Variants in TWF2 observed in about 807,000 individuals in gnomAD.
TWF2 encodes the protein twinfilin-2.
Under a neutral mutation model 45.1 loss-of-function variants are expected in TWF2, and 15 were observed. That is an observed-to-expected ratio of 0.33 (90% CI 0.22 to 0.51). TWF2 has a LOEUF of 0.51. Among genes scored for constraint, TWF2 ranks in the 20% least tolerant of loss-of-function variants. The pLI is 0.97. For missense variants in TWF2, 423 were observed against 469.1 expected, an observed-to-expected ratio of 0.90 and a Z score of 0.91; for synonymous variants, 177 against 195.8, an observed-to-expected ratio of 0.90 and a Z score of 0.80.
At chr3:52,231,305 G>C (rs115585422) in intron 4 of TWF2, 74 bp from the exon 5 acceptor site, 52 of 1,583,644 alleles carry the variant, frequency 3.3e-5, no homozygotes, top group African/African-American at 9.4e-5. Flanking sequence ...CACGGAGCAC[G>C]CCAGCTTGCA....
chr3:52,238,389 AGGTCAG>A (rs1379207038), intron 1 of TWF2, among the ~76,000 whole-genome samples: 1 of 152,134 alleles, frequency 6.6e-6, no homozygotes, highest in Non-Finnish European at 1.5e-5. Context: ...GGAGGAGCAA[AGGTCAG>A]GGCCTTCTCC....
intron 2 of TWF2, 155 bp from the exon 3 acceptor site, chr3:52,232,277 G>A: frequency 2.0e-6 from 2 of 976,362 alleles, no homozygotes; most frequent in Non-Finnish European, 2.9e-6. Flanking sequence ...GTGAGGCTGT[G>A]TGGCTGAATG....
rs778446358 is a variant in TWF2, at chr3:52,232,115, G to T, written c.111C>A (p.Leu37=). The T allele has an allele frequency of 6.3e-7, 1 of 1,585,780 alleles. No homozygotes were observed. ...LIKVVIEDEQ[L]VLGASQEPVG... Reference sequence around the variant, plus strand: ...CTGGCTCCTGCGAGGCACCCAGCACGAGCTGCTCTGGGGGCAGAGGCCGGA... The same window carrying T: ...CTGGCTCCTGCGAGGCACCCAGCACTAGCTGCTCTGGGGGCAGAGGCCGGA... The change falls in exon 3 of 9, where the codon CTC becomes CTA. Residue 37 remains leucine, a synonymous_variant. Coordinates refer to ENST00000305533, the MANE Select transcript of TWF2 (RefSeq NM_007284.4).
At chr3:52,236,215 C>T (rs1170483022) in intron 1 of TWF2, among the ~76,000 whole-genome samples, 1 of 151,544 alleles carries the variant, frequency 6.6e-6, no homozygotes, top group African/African-American at 2.4e-5. Context: ...GCAGGAAAAT[C>T]GCTTGAACCC....
rs538212590 is a variant in TWF2 at position 52,228,696 on chromosome 3, C to T, written c.*338G>A. ...TGACCCCTGCCCCAGCCCTGACTGA[C>T]CCCACTTCTTGTGGCCAAAGGTTTC... is the stretch of plus-strand genomic sequence containing the variant. On this transcript the variant is annotated 3_prime_UTR_variant, in exon 9 of 9. Coordinates refer to ENST00000305533, the MANE Select transcript of TWF2 (RefSeq NM_007284.4). 1.3e-5 allele frequency: 4 copies of T among 317,644 alleles called. No homozygotes were observed. Among genetic ancestry groups the T allele is most frequent in the African/African-American group, 6.5e-5 (3 of 46,484 alleles). 19.7% of individuals were successfully genotyped at this position (317,644 alleles called of 1,614,324 possible). A position where few individuals can be genotyped will look rare whatever the true frequency, so the allele number is the denominator to read the frequency against.
Position 52,231,394 on chromosome 3 carries a change from C to T in TWF2, c.378+50G>A, listed in dbSNP as rs1017361512. 4.4e-6 allele frequency: 7 copies of T among 1,599,200 alleles called. No individual in the cohort carries two copies. In the African/African-American group the frequency reaches 8.0e-5, roughly 18 times the overall value. The stretch of plus-strand genomic sequence containing the variant: ...GCTCTCTGACCCTGCACAGTGACCC[C>T]TCTCTGTGGGCCCAGGATTGTGTCC... On this transcript the variant is annotated intron_variant, in intron 4 of 8. Coordinates refer to ENST00000305533, the MANE Select transcript of TWF2 (RefSeq NM_007284.4).
In TWF2 at chr3:52,231,522, C is replaced by G. The variant is rs1699678499; in HGVS notation, c.300G>C (p.Leu100=). Residue 100 remains leucine (L), a synonymous_variant, in exon 4 of 9, where the codon CTG becomes CTC. Coordinates refer to ENST00000305533, the MANE Select transcript of TWF2 (RefSeq NM_007284.4). Reference sequence around the variant, plus strand: ...TCACTGTGGCCCGCGTGGCCGCGTACAGCATCTTCAGCCGCACCTGAAGGG... The same window carrying G: ...TCACTGTGGCCCGCGTGGCCGCGTAGAGCATCTTCAGCCGCACCTGAAGGG... ...PDNSPVRLKM[L]YAATRATVKK... is the part of the protein sequence containing the mutation. 3 of 1,613,376 alleles carry G rather than the reference C, an allele frequency of 1.9e-6. No individual in the cohort carries two copies. Among genetic ancestry groups the G allele is most frequent in the Non-Finnish European group, 2.5e-6 (3 of 1,179,882 alleles).
rs552449786 is a variant in TWF2, at chr3:52,231,334, C to T, written c.379-103G>A. 61 of 1,566,318 alleles carry T rather than the reference C, an allele frequency of 3.9e-5. 1 individual carries two copies. In the Middle Eastern group the frequency reaches 5.1e-4, roughly 13 times the overall value. On this transcript the variant is annotated intron_variant, in intron 4 of 8. Transcript: ENST00000305533. ...GCTTGCAGCCCTTGGACTCCCCCAGCGCCCCCATCTTCCTCCCGAAGCTGG... is the reference window on the plus strand; with the variant it reads ...GCTTGCAGCCCTTGGACTCCCCCAGTGCCCCCATCTTCCTCCCGAAGCTGG...
intron 1 of TWF2, among the ~76,000 whole-genome samples, chr3:52,237,999 CTG>C (rs762510982): frequency 2.0e-5 from 3 of 152,248 alleles, no homozygotes; most frequent in Non-Finnish European, 2.9e-5. Context: ...GAGGAGGACA[CTG>C]AGCCCCAGGT....
chr3:52,231,513 G>A lies in TWF2; in HGVS notation c.309C>T (p.Ala103=). Residue 103 remains alanine, a synonymous_variant, in exon 4 of 9, where the codon GCC becomes GCT. Coordinates refer to ENST00000305533, the MANE Select transcript of TWF2 (RefSeq NM_007284.4). ...SPVRLKMLYA[A]TRATVKKEFG... ...ACTCCTTTTTCACTGTGGCCCGCGT[G>A]GCCGCGTACAGCATCTTCAGCCGCA... The A allele has an allele frequency of 1.9e-6, 3 of 1,613,726 alleles. No individual in the cohort carries two copies. The highest frequency in any genetic ancestry group is 2.5e-6 in the Non-Finnish European group (3 of 1,179,954).
rs1198699792 is a variant in TWF2 at position 52,238,974 on chromosome 3, C to G, written c.25+18G>C. 6.3e-7 allele frequency: 1 copy of G among 1,591,890 alleles called. No individual in the cohort carries two copies. The highest frequency in any genetic ancestry group is 1.1e-5 in the South Asian group (1 of 90,690). ...AGCCCAGACCGAGGCCCCCTGCCCG[C>G]CCGCCATCCGCCCTCACCGTGGATG... is the stretch of plus-strand genomic sequence containing the variant. On this transcript the variant is annotated intron_variant, in intron 1 of 8. Transcript: ENST00000305533.
At chr3:52,230,818 G>A (rs1699670285) in intron 6 of TWF2, 52 bp downstream of exon 6, 1 of 1,586,148 alleles carries the variant, frequency 6.3e-7, no homozygotes. Flanking sequence ...ATGTGCATGG[G>A]CAGGAGTAGG....
chr3:52,238,752 C>T (rs552281008), intron 1 of TWF2, among the ~76,000 whole-genome samples: 2 of 152,326 alleles, frequency 1.3e-5, no homozygotes, highest in East Asian at 3.9e-4. Flanking sequence ...CATTCATCTC[C>T]AGGTAGGCAC....
chr3:52,229,351 A>C, intron 8 of TWF2, 150 bp from the exon 9 acceptor site: 1 of 1,227,428 alleles, frequency 8.1e-7, no homozygotes, highest in Admixed American at 2.8e-5. Flanking sequence ...CTGGAATGCC[A>C]CTCCCAGGAA....
At chr3:52,230,699 T>A (rs951407938) in intron 6 of TWF2, among the ~76,000 whole-genome samples, 171 bp downstream of exon 6, 1 of 150,716 alleles carries the variant, frequency 6.6e-6, no homozygotes, top group Non-Finnish European at 1.5e-5. Context: ...GCGGAATAGG[T>A]AGGGATCAGG....
Position 52,231,163 on chromosome 3 carries a change from C to A in TWF2, c.447G>T (p.Ser149=), listed in dbSNP as rs572314842. The A allele has an allele frequency of 4.3e-6, 7 of 1,613,932 alleles. No individual in the cohort carries two copies. Among genetic ancestry groups the A allele is most frequent in the East Asian group, 2.2e-5 (1 of 44,866 alleles). ...GGATCTGCTGGAGCTCTCTCTCAGC[C>A]GAGGTCAGCGGGGCAGGTGCCGCAC... ...SSCAAPAPLT[S]AERELQQIRI... is the part of the protein sequence containing the mutation. The change falls in exon 5 of 9, where the codon TCG becomes TCT. Residue 149 remains serine, a synonymous_variant. Coordinates refer to ENST00000305533, the MANE Select transcript of TWF2 (RefSeq NM_007284.4).
At chr3:52,234,685 G>C (rs923233297) in intron 2 of TWF2, among the ~76,000 whole-genome samples, 2 of 152,236 alleles carry the variant, frequency 1.3e-5, no homozygotes, top group African/African-American at 4.8e-5. Context: ...AAGGGGCAGT[G>C]CTGGATTCAC....
chr3:52,231,506 C>G lies in TWF2; in HGVS notation c.316G>C (p.Ala106Pro), dbSNP rs372234847. 51 of 1,613,836 alleles carry G rather than the reference C, an allele frequency of 3.2e-5. No individual in the cohort carries two copies. The highest frequency in any genetic ancestry group is 4.2e-5 in the Non-Finnish European group (50 of 1,179,966). Residue 106 changes from alanine to proline, a missense_variant, in exon 4 of 9, where the codon GCC (alanine) becomes CCC (proline). By Grantham distance (27) the Ala-to-Pro change is conservative. Coordinates refer to ENST00000305533, the MANE Select transcript of TWF2 (RefSeq NM_007284.4). ...RLKMLYAATR[A>P]TVKKEFGGGH... ...CCTCCAAACTCCTTTTTCACTGTGG[C>G]CCGCGTGGCCGCGTACAGCATCTTC...
At chr3:52,231,391 C>A (rs771252342) in intron 4 of TWF2, 53 bp downstream of exon 4, 4 of 1,595,784 alleles carry the variant, frequency 2.5e-6, no homozygotes, top group South Asian at 2.2e-5. Flanking sequence ...TGCACAGTGA[C>A]CCCTCTCTGT....
Sources: allele counts gnomAD v4.1 joint callset (sites outside exome capture counted in the v4.1 genomes callset), GRCh38; gene constraint gnomAD v4.1.1; transcripts MANE v1.5; gene names NCBI Gene and HGNC (gene_info 2026-07-23, HGNC 2026-07-21).